Variants in PPFIA2 observed in about 807,000 individuals in gnomAD.
PPFIA2 encodes liprin-alpha-2.
PPFIA2 carries 46 observed loss-of-function variants against 175.5 expected under a neutral mutation model. The ratio of observed to expected loss-of-function variants is 0.26; its 90% CI spans 0.21 to 0.34. The LOEUF (loss-of-function observed/expected upper bound fraction) is 0.34. Ranked by LOEUF, PPFIA2 falls within the 10% of genes least tolerant of loss-of-function variation. The pLI is 1.00. For missense variants in PPFIA2, 1,179 were observed against 1,506.1 expected (o/e 0.78, Z 3.60); for synonymous variants, 568 against 511.4 (o/e 1.11, Z -1.49).
At chr12:81,418,393 C>T (rs532143228) in intron 7 of PPFIA2, among the ~76,000 whole-genome samples, 1 of 151,992 alleles carries the variant, frequency 6.6e-6, no homozygotes, top group African/African-American at 2.4e-5. Context: ...ACTTTTATTG[C>T]TCCTTATTTC....
chr12:81,345,028 C>A (rs913697926), intron 18 of PPFIA2, among the ~76,000 whole-genome samples: 1 of 151,978 alleles, frequency 6.6e-6, no homozygotes, highest in African/African-American at 2.4e-5. Context: ...TAGAAATAAA[C>A]GAGACTGCAT....
intron 4 of PPFIA2, among the ~76,000 whole-genome samples, chr12:81,524,014 C>T (rs752503661): frequency 6.6e-5 from 10 of 152,206 alleles, no homozygotes; most frequent in Non-Finnish European, 1.3e-4. Flanking sequence ...TTTTCCACTA[C>T]CATACTTACA....
intron 4 of PPFIA2, among the ~76,000 whole-genome samples, chr12:81,479,176 CTTCT>C (rs1388727120): frequency 1.3e-5 from 2 of 152,086 alleles, no homozygotes; most frequent in Non-Finnish European, 2.9e-5. Context: ...ATGTAATGGC[CTTCT>C]TTGTCTTTTT....
At chr12:81,282,395 A>C (rs1192124509) in intron 26 of PPFIA2, among the ~76,000 whole-genome samples, 1 of 152,086 alleles carries the variant, frequency 6.6e-6, no homozygotes, top group Non-Finnish European at 1.5e-5. Flanking sequence ...GTAACTACCA[A>C]ATTTTTTCTT....
At chr12:81,392,854 C>T (rs373201002) in intron 8 of PPFIA2, among the ~76,000 whole-genome samples, 10 of 151,928 alleles carry the variant, frequency 6.6e-5, no homozygotes, top group East Asian at 1.9e-4. Context: ...TCTCCAAAAA[C>T]GGTGGAGTCA....
chr12:81,470,703 G>A (rs1366810682), intron 4 of PPFIA2, among the ~76,000 whole-genome samples: 1 of 152,106 alleles, frequency 6.6e-6, no homozygotes, highest in Non-Finnish European at 1.5e-5. Context: ...TTTTTAAAAT[G>A]CATATACTTT....
chr12:81,541,657 T>A (rs1422692419), intron 4 of PPFIA2, among the ~76,000 whole-genome samples: 1 of 150,646 alleles, frequency 6.6e-6, no homozygotes, highest in African/African-American at 2.4e-5. Flanking sequence ...AGACAAATTA[T>A]GTCTTTAAAG....
At chr12:81,529,752 G>A (rs992344547) in intron 4 of PPFIA2, among the ~76,000 whole-genome samples, 5 of 151,956 alleles carry the variant, frequency 3.3e-5, no homozygotes, top group Non-Finnish European at 7.4e-5. Flanking sequence ...TGGTCCAGGT[G>A]CTAAATATGT....
chr12:81,549,177 T>C (rs1422298097), intron 4 of PPFIA2, among the ~76,000 whole-genome samples: 1 of 152,050 alleles, frequency 6.6e-6, no homozygotes, highest in Admixed American at 6.6e-5. Context: ...ATATTTATTA[T>C]TACTTTCATT....
intron 3 of PPFIA2, among the ~76,000 whole-genome samples, chr12:81,739,648 A>G (rs2082096039): frequency 6.6e-6 from 1 of 152,056 alleles, no homozygotes; most frequent in Admixed American, 6.5e-5. Flanking sequence ...AACTCTTATA[A>G]GAATTAATAA....
chr12:81,622,249 A>C (rs2062132404), intron 4 of PPFIA2, among the ~76,000 whole-genome samples: 2 of 152,194 alleles, frequency 1.3e-5, no homozygotes, highest in African/African-American at 4.8e-5. Flanking sequence ...TTACCACATA[A>C]TAATGTTCAT....
chr12:81,369,369 C>T, intron 11 of PPFIA2, 175 bp from the exon 12 acceptor site: 2 of 1,459,106 alleles, frequency 1.4e-6, no homozygotes. Flanking sequence ...GTGTCAGCTA[C>T]AAAGGCCTGT....
intron 4 of PPFIA2, among the ~76,000 whole-genome samples, chr12:81,662,644 C>T (rs2069160209): frequency 6.6e-6 from 1 of 152,158 alleles, no homozygotes; most frequent in Admixed American, 6.5e-5. Context: ...TGGTACCATT[C>T]CATCTGAAAC....
Position 81,676,823 on chromosome 12 carries a change from C to T in PPFIA2, c.271G>A (p.Gly91Arg), listed in dbSNP as rs762686344. 1 of 1,563,792 alleles carries T rather than the reference C, an allele frequency of 6.4e-7. No individual in the cohort carries two copies. Among genetic ancestry groups the T allele is most frequent in the Non-Finnish European group, 8.7e-7 (1 of 1,155,832 alleles). Residue 91 changes from glycine (G) to arginine (R), a missense_variant, in exon 4 of 33, where the codon GGG (glycine) becomes AGG (arginine). Physicochemically the swap from Gly to Arg is moderately radical, Grantham distance 125. Transcript: ENST00000549396. ...LPQDIESLTG[G>R]LAGSKGADPP... ...TCAGCCCCCTTAGAACCAGCCAGCC[C>T]TCCTGTTAGGGATTCGATATCCTGA... is the stretch of plus-strand genomic sequence containing the variant.
intron 3 of PPFIA2, among the ~76,000 whole-genome samples, chr12:81,711,736 C>T (rs1386961016): frequency 6.6e-6 from 1 of 150,470 alleles, no homozygotes; most frequent in Non-Finnish European, 1.5e-5. Flanking sequence ...GTGTATCTTT[C>T]CGTCTCTGTG....
chr12:81,298,711 A>AT (rs1239534001), intron 23 of PPFIA2, among the ~76,000 whole-genome samples: 1 of 152,108 alleles, frequency 6.6e-6, no homozygotes, highest in Admixed American at 6.6e-5. Flanking sequence ...ATATTCCCTT[A>AT]TTTTTCCAGA....
chr12:81,518,143 T>C (rs907947148), intron 4 of PPFIA2, among the ~76,000 whole-genome samples: 1 of 152,164 alleles, frequency 6.6e-6, no homozygotes, highest in Non-Finnish European at 1.5e-5. Flanking sequence ...CCAGATTTAC[T>C]TCCTTAAAGA....
At chr12:81,341,926 C>T (rs1187807961) in intron 19 of PPFIA2, among the ~76,000 whole-genome samples, 1 of 151,924 alleles carries the variant, frequency 6.6e-6, no homozygotes, top group Non-Finnish European at 1.5e-5. Flanking sequence ...TGTTTTAAAT[C>T]AGTCAGCCTA....
chr12:81,663,797 G>A (rs1321842219), intron 4 of PPFIA2, among the ~76,000 whole-genome samples: 1 of 152,080 alleles, frequency 6.6e-6, no homozygotes, highest in Non-Finnish European at 1.5e-5. Context: ...TATACTACAA[G>A]GCTACAGTAA....
Sources: gnomAD v4.1 joint callset for allele counts (sites outside exome capture counted in the v4.1 genomes callset) on GRCh38, gnomAD v4.1.1 for gene constraint, MANE v1.5 for transcripts, NCBI Gene and HGNC (gene_info 2026-07-23, HGNC 2026-07-21) for gene names.